The following TTC28 variants were observed in gnomAD, a reference collection of about 807,000 sequenced individuals.
TTC28 encodes the protein tetratricopeptide repeat domain 28, also known as tetratricopeptide repeat protein 28.
A neutral mutation model predicts 198.0 loss-of-function variants in TTC28; 61 were observed. That is an observed-to-expected ratio of 0.31 (90% CI 0.25 to 0.38). TTC28 has a LOEUF of 0.38. Among genes scored for constraint, TTC28 ranks in the 10% least tolerant of loss-of-function variants. The pLI, the probability that TTC28 is intolerant of heterozygous loss-of-function variation, is 1.00. For synonymous variants in TTC28, 1,171 were observed against 1,297.8 expected (o/e 0.90, Z 2.10); for missense variants, 2,678 against 3,164.0 (o/e 0.85, Z 3.69).
At chr22:28,570,409 A>T (rs1025330800) in intron 2 of TTC28, among the ~76,000 whole-genome samples, 2 of 152,240 alleles carry the variant, frequency 1.3e-5, no homozygotes, top group Non-Finnish European at 2.9e-5. Flanking sequence ...CCTCTGCAGC[A>T]ACATGGATGG....
At chr22:28,585,845 G>T (rs903120613) in intron 2 of TTC28, among the ~76,000 whole-genome samples, 1 of 152,184 alleles carries the variant, frequency 6.6e-6, no homozygotes, top group South Asian at 2.1e-4. Flanking sequence ...TGGGCAAGGG[G>T]AAGGATAGCA....
At chr22:28,343,741 T>C (rs2045867448) in intron 2 of TTC28, among the ~76,000 whole-genome samples, 1 of 152,216 alleles carries the variant, frequency 6.6e-6, no homozygotes, top group Non-Finnish European at 1.5e-5. Flanking sequence ...AACATTTTCA[T>C]TGAGTACGTT....
chr22:28,106,963 G>T, intron 7 of TTC28, 99 bp downstream of exon 7: 1 of 1,411,142 alleles, frequency 7.1e-7, no homozygotes, highest in Non-Finnish European at 9.4e-7. Context: ...GAAAATGTTT[G>T]TAGTTAACAA....
intron 2 of TTC28, among the ~76,000 whole-genome samples, chr22:28,516,453 C>T (rs546510771): frequency 1.4e-3 from 220 of 152,172 alleles, no homozygotes; most frequent in African/African-American, 5.0e-3. Flanking sequence ...AGTTCATGTC[C>T]TTTGCAGGGA....
At chr22:28,218,176 C>T (rs1927554832) in intron 5 of TTC28, among the ~76,000 whole-genome samples, 1 of 152,298 alleles carries the variant, frequency 6.6e-6, no homozygotes, top group Non-Finnish European at 1.5e-5. Context: ...TACTCTGTTA[C>T]TTTCAAATGC....
chr22:28,089,281 T>C (rs1941731193), intron 12 of TTC28, among the ~76,000 whole-genome samples: 1 of 152,008 alleles, frequency 6.6e-6, no homozygotes, highest in Non-Finnish European at 1.5e-5. Context: ...CCAACAATGA[T>C]AGACTGGATT....
chr22:28,107,400 C>T lies in TTC28; in HGVS notation c.2445G>A (p.Lys815=). The change falls in exon 7 of 23, where the codon AAG becomes AAA. Residue 815 remains lysine, a synonymous_variant. Transcript: ENST00000397906. ...CTAGATCCAGTTGCTCTTCATAACACTTGAATGCCATTGTGTATTTCCCAA... is the reference window on the plus strand; with the variant it reads ...CTAGATCCAGTTGCTCTTCATAACATTTGAATGCCATTGTGTATTTCCCAA... The part of the protein sequence containing the change: ...MALGKYTMAF[K]CYEEQLDLGQ... 3 of 1,551,850 alleles carry T rather than the reference C, an allele frequency of 1.9e-6. No individual in the cohort carries two copies. Among genetic ancestry groups the T allele is most frequent in the Non-Finnish European group, 2.6e-6 (3 of 1,147,032 alleles).
At chr22:28,392,493 G>T (rs2046744297) in intron 2 of TTC28, among the ~76,000 whole-genome samples, 1 of 152,260 alleles carries the variant, frequency 6.6e-6, no homozygotes, top group Admixed American at 6.5e-5. Flanking sequence ...CAATCAGGGA[G>T]ACTCCGTGGG....
chr22:28,527,958 C>A (rs1466532527), intron 2 of TTC28, among the ~76,000 whole-genome samples: 23 of 152,154 alleles, frequency 1.5e-4, no homozygotes, highest in Non-Finnish European at 2.1e-4. Flanking sequence ...CAAGACAGAA[C>A]AAGTGTGCAT....
intron 3 of TTC28, among the ~76,000 whole-genome samples, chr22:28,300,843 T>C (rs768993869): frequency 6.6e-6 from 1 of 152,184 alleles, no homozygotes; most frequent in Non-Finnish European, 1.5e-5. Context: ...GACCAAAGAA[T>C]ACTTGTAGGG....
intron 6 of TTC28, among the ~76,000 whole-genome samples, chr22:28,113,222 G>A (rs187381257): frequency 1.3e-4 from 20 of 152,234 alleles, no homozygotes; most frequent in African/African-American, 4.3e-4. Context: ...TCGGTGCACC[G>A]CCACAAACAA....
chr22:28,409,238 T>C (rs962416955), intron 2 of TTC28, among the ~76,000 whole-genome samples: 2 of 152,192 alleles, frequency 1.3e-5, no homozygotes, highest in Non-Finnish European at 2.9e-5. Context: ...TGACTCATAT[T>C]ATTAAAGAGC....
chr22:28,514,585 C>A (rs1423677728), intron 2 of TTC28, among the ~76,000 whole-genome samples: 1 of 152,214 alleles, frequency 6.6e-6, no homozygotes, highest in East Asian at 1.9e-4. Flanking sequence ...TCACTCTTGG[C>A]AGCTACTGGT....
Position 28,383,290 on chromosome 22 carries a change from T to C in TTC28, c.382-76647A>G, listed in dbSNP as rs537153094. On this transcript the variant is annotated intron_variant, in intron 2 of 22. Coordinates refer to ENST00000397906, the MANE Select transcript of TTC28 (RefSeq NM_001145418.2). Reference sequence around the variant, plus strand: ...CATCTATTGCTTTATACCTATGTACTTTCTTTGGTGAAAATGGCATTGTTG... The same window carrying C: ...CATCTATTGCTTTATACCTATGTACCTTCTTTGGTGAAAATGGCATTGTTG... 2.0e-5 allele frequency among the ~76,000 whole-genome samples: 3 copies of C among 152,358 alleles called. No individual in the cohort carries two copies. In the South Asian group the frequency reaches 6.2e-4, roughly 32 times the overall value.
At chr22:28,361,892 T>C (rs140611116) in intron 2 of TTC28, among the ~76,000 whole-genome samples, 1 of 152,296 alleles carries the variant, frequency 6.6e-6, no homozygotes, top group Non-Finnish European at 1.5e-5. Flanking sequence ...GAAACAACAA[T>C]GCCTGAATGA....
chr22:28,545,002 C>T (rs989492660), intron 2 of TTC28, among the ~76,000 whole-genome samples: 1 of 152,104 alleles, frequency 6.6e-6, no homozygotes, highest in Non-Finnish European at 1.5e-5. Context: ...AGTAGCCATC[C>T]TTTTATTCCT....
At chr22:28,323,462 A>G (rs2045478514) in intron 2 of TTC28, among the ~76,000 whole-genome samples, 1 of 152,210 alleles carries the variant, frequency 6.6e-6, no homozygotes, top group Non-Finnish European at 1.5e-5. Context: ...CTGGAGTTGA[A>G]AAATGCAATT....
At chr22:27,999,666 A>G (rs1031859235) in intron 15 of TTC28, 1 of 177,316 alleles carries the variant, frequency 5.6e-6, no homozygotes. Context: ...TTGAAAAGTG[A>G]TTTTGTTTAA....
At chr22:28,257,319 T>C (rs1053198995) in intron 5 of TTC28, among the ~76,000 whole-genome samples, 4 of 152,146 alleles carry the variant, frequency 2.6e-5, no homozygotes, top group African/African-American at 9.7e-5. Flanking sequence ...ACTGCAGCAC[T>C]ATTCACAGTA....
Sources: gnomAD v4.1 joint callset for allele counts (sites outside exome capture counted in the v4.1 genomes callset) on GRCh38, gnomAD v4.1.1 for gene constraint, MANE v1.5 for transcripts, NCBI Gene and HGNC (gene_info 2026-07-23, HGNC 2026-07-21) for gene names.